ZNF362: variants seen among roughly 807,000 people sequenced by gnomAD.
ZNF362 encodes the protein zinc finger protein 362.
Under a neutral mutation model 42.9 loss-of-function variants are expected in ZNF362, and 11 were observed. That is an observed-to-expected ratio of 0.26 (90% CI 0.16 to 0.42). The LOEUF (loss-of-function observed/expected upper bound fraction) is 0.42. ZNF362 is among the 20% of genes least tolerant of loss of function. The probability of loss-of-function intolerance (pLI) is 1.00; values close to 1 mark genes in which losing one functional copy is unlikely to be tolerated. For synonymous variants in ZNF362, 255 were observed against 257.3 expected (o/e 0.99, Z 0.09); for missense variants, 362 against 576.2 (o/e 0.63, Z 3.81).
At chr1:33,149,577 CTT>C in the ZNF362 span, among the ~76,000 whole-genome samples, 1 of 152,030 alleles carries the variant, frequency 6.6e-6, no homozygotes, top group African/African-American at 2.4e-5. Context: ...GCTTCAGCCT[CTT>C]GAGTAGCTGA....
intron 6 of ZNF362, among the ~76,000 whole-genome samples, chr1:33,282,688 G>C (rs1344184900): frequency 2.0e-5 from 3 of 152,100 alleles, no homozygotes; most frequent in Non-Finnish European, 4.4e-5. Flanking sequence ...TGGGTGTGGT[G>C]GTGGGCGTCT....
At chr1:33,274,886 CAAGTA>C in intron 2 of ZNF362, 2 of 925,044 alleles carry the variant, frequency 2.2e-6, no homozygotes, top group Non-Finnish European at 2.6e-6. Flanking sequence ...TGCCTACTTT[CAAGTA>C]AAGATCACAA....
the ZNF362 span, among the ~76,000 whole-genome samples, chr1:33,134,232 C>T: frequency 5.3e-5 from 8 of 152,194 alleles, no homozygotes; most frequent in African/African-American, 1.4e-4. Flanking sequence ...ACTGTTATTT[C>T]GACTCATTTG....
chr1:33,236,263 C>T, the ZNF362 span, among the ~76,000 whole-genome samples: 1 of 151,778 alleles, frequency 6.6e-6, no homozygotes, highest in African/African-American at 2.4e-5. Flanking sequence ...ATAAAACAGG[C>T]CGGTTGCAGT....
At chr1:33,169,017 TC>T in the ZNF362 span, among the ~76,000 whole-genome samples, 113,569 of 152,008 alleles carry the variant, frequency 0.75, 42,523 homozygotes, top group African/African-American at 0.78. Flanking sequence ...TCCTCCTGGA[TC>T]CCGGGAGAAT....
chr1:33,289,753 C>A (rs191209546), intron 6 of ZNF362, among the ~76,000 whole-genome samples: 22 of 152,258 alleles, frequency 1.4e-4, no homozygotes, highest in Admixed American at 4.6e-4. Flanking sequence ...CCATGCCAGG[C>A]GCTGGGGTGA....
intron 6 of ZNF362, among the ~76,000 whole-genome samples, chr1:33,290,513 G>A (rs1026435087): frequency 1.5e-4 from 23 of 151,960 alleles, no homozygotes; most frequent in Admixed American, 5.9e-4. Flanking sequence ...GAATAGTGCC[G>A]CAATAAACAT....
the ZNF362 span, among the ~76,000 whole-genome samples, chr1:33,140,745 C>T: frequency 6.6e-6 from 1 of 152,128 alleles, no homozygotes; most frequent in African/African-American, 2.4e-5. This position sits in a 1 kb window ranked among gnomAD's most constrained non-coding sequence, Gnocchi z 4.0. Flanking sequence ...AAAGGAGGAC[C>T]AGGTGTGGGC....
the ZNF362 span, among the ~76,000 whole-genome samples, chr1:33,236,487 T>C: frequency 6.2e-5 from 8 of 129,680 alleles, no homozygotes; most frequent in South Asian, 2.1e-3. Flanking sequence ...GAGTTCAAGA[T>C]ACTGTAGCCT....
chr1:33,225,289 C>T, the ZNF362 span, among the ~76,000 whole-genome samples: 4 of 152,270 alleles, frequency 2.6e-5, no homozygotes, highest in Middle Eastern at 6.8e-3. Flanking sequence ...CCACCTGGTA[C>T]TCCTCATCCT....
the ZNF362 span, among the ~76,000 whole-genome samples, chr1:33,144,104 G>A: frequency 4.0e-5 from 6 of 150,906 alleles, no homozygotes; most frequent in Admixed American, 3.3e-4. Flanking sequence ...ACATGCAAAC[G>A]TTGATATATG....
the ZNF362 span, among the ~76,000 whole-genome samples, chr1:33,148,540 C>T: frequency 2.6e-5 from 4 of 152,166 alleles, no homozygotes; most frequent in East Asian, 1.9e-4. Flanking sequence ...TTACCTATGA[C>T]GAGAGGACCT....
the ZNF362 span, among the ~76,000 whole-genome samples, chr1:33,129,950 C>T: frequency 6.6e-6 from 1 of 152,100 alleles, no homozygotes; most frequent in Admixed American, 6.5e-5. This position sits in a 1 kb window ranked among gnomAD's most constrained non-coding sequence, Gnocchi z 4.1. Flanking sequence ...GCCTCTGCCT[C>T]CCGGGTTCAA....
the ZNF362 span, chr1:33,159,823 G>T: frequency 1.2e-6 from 2 of 1,613,838 alleles, no homozygotes; most frequent in Admixed American, 3.3e-5. The surrounding 1 kb of genome is among the most constrained non-coding windows in gnomAD (Gnocchi z 4.2). Flanking sequence ...CTCGATGTCG[G>T]TCAGCGTGCG....
At chr1:33,261,143 T>C (rs1645825435) in intron 1 of ZNF362, 1 of 152,080 alleles carries the variant, frequency 6.6e-6, no homozygotes, top group African/African-American at 2.4e-5. Flanking sequence ...CTCCTTAGAA[T>C]CCCTCAACTG....
chr1:33,257,505 G>T (rs1339359954), intron 1 of ZNF362, among the ~76,000 whole-genome samples: 2 of 149,942 alleles, frequency 1.3e-5, no homozygotes, highest in Non-Finnish European at 3.0e-5. Flanking sequence ...AGCTGCCTTT[G>T]CAGGATTTTT....
the ZNF362 span, among the ~76,000 whole-genome samples, chr1:33,250,745 TG>T: frequency 3.1e-5 from 4 of 129,162 alleles, no homozygotes; most frequent in East Asian, 6.6e-4. Context: ...ACTGAAAAGT[TG>T]AAGAAAAAAA....
At chr1:33,138,599 G>A in the ZNF362 span, among the ~76,000 whole-genome samples, 44 of 141,568 alleles carry the variant, frequency 3.1e-4, no homozygotes, top group Admixed American at 2.2e-3. Context: ...GTGACAGAGC[G>A]AGATCCTGTC....
At chr1:33,204,439 T>C in the ZNF362 span, among the ~76,000 whole-genome samples, 6 of 152,230 alleles carry the variant, frequency 3.9e-5, no homozygotes, top group South Asian at 2.1e-4. Context: ...TTTCTCTAAA[T>C]TGCTTTGGCT....
Sources: allele counts gnomAD v4.1 joint callset (sites outside exome capture counted in the v4.1 genomes callset), GRCh38; gene constraint gnomAD v4.1.1; non-coding constraint Gnocchi (gnomAD v3.1); transcripts MANE v1.5; gene names NCBI Gene and HGNC (gene_info 2026-07-23, HGNC 2026-07-21).